The following ARHGAP25 variants were observed in gnomAD, a reference collection of about 807,000 sequenced individuals.
ARHGAP25 encodes Rho GTPase activating protein 25, also known as rho GTPase-activating protein 25.
A neutral mutation model predicts 71.0 loss-of-function variants in ARHGAP25; 34 were observed. The ratio of observed to expected loss-of-function variants is 0.48; its 90% CI spans 0.36 to 0.64. The LOEUF is 0.64. Ranked by LOEUF, ARHGAP25 falls within the 30% of genes least tolerant of loss-of-function variation. The pLI, the probability that ARHGAP25 is intolerant of heterozygous loss-of-function variation, is 0.00. For synonymous variants in ARHGAP25, 282 were observed against 296.5 expected (o/e 0.95, Z 0.50); for missense variants, 706 against 805.1 (o/e 0.88, Z 1.49).
intron 2 of ARHGAP25, among the ~76,000 whole-genome samples, chr2:68,714,215 G>A (rs978516689): frequency 5.8e-4 from 88 of 152,232 alleles, no homozygotes; most frequent in African/African-American, 1.9e-3. Flanking sequence ...AGTCTTGGGA[G>A]GGTGTATGTG....
intron 1 of ARHGAP25, among the ~76,000 whole-genome samples, chr2:68,758,042 A>G (rs534801425): frequency 6.6e-6 from 1 of 152,208 alleles, no homozygotes; most frequent in South Asian, 2.1e-4. Flanking sequence ...TTAAATTAGA[A>G]TATCATCACT....
chr2:68,747,659 A>C (rs942144325), intron 1 of ARHGAP25, among the ~76,000 whole-genome samples: 20 of 152,062 alleles, frequency 1.3e-4, no homozygotes, highest in African/African-American at 4.1e-4. Context: ...TCCCTCCCCC[A>C]GTGTGTCCAA....
intron 2 of ARHGAP25, among the ~76,000 whole-genome samples, chr2:68,727,360 T>G (rs1674910142): frequency 6.6e-6 from 1 of 152,210 alleles, no homozygotes; most frequent in Admixed American, 6.5e-5. Flanking sequence ...CTTTTCTTCT[T>G]AAATCTATTA....
chr2:68,821,888 T>C (rs573525055), intron 9 of ARHGAP25, among the ~76,000 whole-genome samples: 5 of 149,496 alleles, frequency 3.3e-5, no homozygotes, highest in African/African-American at 1.2e-4. Flanking sequence ...TGATATGCAT[T>C]GCAAATACTT....
At chr2:68,779,932 T>C (rs1573513511) in intron 2 of ARHGAP25, among the ~76,000 whole-genome samples, 1 of 152,378 alleles carries the variant, frequency 6.6e-6, no homozygotes, top group African/African-American at 2.4e-5. Flanking sequence ...CATTTACACC[T>C]TGGTGTGAAC....
chr2:68,719,540 C>CT (rs59046115), intron 2 of ARHGAP25, among the ~76,000 whole-genome samples: 33 of 149,150 alleles, frequency 2.2e-4, no homozygotes, highest in Admixed American at 6.0e-4. Flanking sequence ...AAAAAAATAA[C>CT]TTTTTTTTTT....
chr2:68,818,138 G>C (rs886673271), intron 8 of ARHGAP25, 144 bp downstream of exon 8: 1 of 1,150,156 alleles, frequency 8.7e-7, no homozygotes, highest in South Asian at 1.4e-5. Flanking sequence ...AGCCTTGTGA[G>C]GTAGGCAGGG....
rs1202246586 is a variant in ARHGAP25 at position 68,743,047 on chromosome 2, A to G, written c.61+7787A>G. 2.0e-5 allele frequency among the ~76,000 whole-genome samples: 3 copies of G among 152,218 alleles called. No homozygotes were observed. The East Asian group carries it at 5.8e-4, about 29-fold the overall frequency. Reference sequence around the variant, plus strand: ...TTGTGACTTTCTAATAAGGATAATGATAGCTTCTGGTAAGTTTCCTGCAGA... The same window carrying G: ...TTGTGACTTTCTAATAAGGATAATGGTAGCTTCTGGTAAGTTTCCTGCAGA... On this transcript the variant is annotated intron_variant, in intron 1 of 10. Transcript: ENST00000409202.
chr2:68,766,713 C>T (rs1486142369), intron 1 of ARHGAP25, among the ~76,000 whole-genome samples: 2 of 148,772 alleles, frequency 1.3e-5, no homozygotes, highest in Admixed American at 6.6e-5. Flanking sequence ...TCTCTCTCCC[C>T]TTCTCTCTCT....
intron 1 of ARHGAP25, among the ~76,000 whole-genome samples, chr2:68,745,522 A>C (rs972986998): frequency 6.6e-6 from 1 of 152,102 alleles, no homozygotes; most frequent in Non-Finnish European, 1.5e-5. Context: ...ATTTTTCCTC[A>C]TCATAACCCC....
chr2:68,824,998 A>G (rs11689198), intron 10 of ARHGAP25, among the ~76,000 whole-genome samples: 49,212 of 152,020 alleles, frequency 0.32, 8,082 homozygotes, highest in East Asian at 0.41. Context: ...CACAATCGGC[A>G]TGTGTACACT....
At chr2:68,713,211 A>C (rs1317904083) in intron 2 of ARHGAP25, among the ~76,000 whole-genome samples, 2 of 152,100 alleles carry the variant, frequency 1.3e-5, no homozygotes, top group Non-Finnish European at 2.9e-5. Context: ...GTTCTCCTTG[A>C]AGAGGTCCTT....
At chr2:68,765,686 T>C (rs973230575) in intron 1 of ARHGAP25, among the ~76,000 whole-genome samples, 1 of 152,256 alleles carries the variant, frequency 6.6e-6, no homozygotes, top group Admixed American at 6.5e-5. Flanking sequence ...AACTAATCAA[T>C]AATTCATTGG....
Position 68,767,624 on chromosome 2 carries a change from C to A in ARHGAP25, c.62-7597C>A, listed in dbSNP as rs1336080542. Among the ~76,000 whole-genome samples the A allele has an allele frequency of 2.0e-5, 3 of 152,118 alleles. No individual in the cohort carries two copies. Among genetic ancestry groups the A allele is most frequent in the Non-Finnish European group, 4.4e-5 (3 of 68,038 alleles). The stretch of plus-strand genomic sequence containing the variant: ...ACTCTCTCTCCCTCCCATGCCTCGG[C>A]CACGTGGGACCTTGCTCAGAATCCC... On this transcript the variant is annotated intron_variant, in intron 1 of 10. Transcript: ENST00000409202. This position sits in a 1 kb window ranked among gnomAD's most constrained non-coding sequence, Gnocchi z 4.6.
intron 4 of ARHGAP25, among the ~76,000 whole-genome samples, chr2:68,797,130 G>A (rs1314180580): frequency 6.6e-6 from 1 of 152,170 alleles, no homozygotes; most frequent in Non-Finnish European, 1.5e-5. Flanking sequence ...ACTCTGTCTT[G>A]GAGTAGGGGG....
chr2:68,762,016 T>C (rs1184617016), intron 1 of ARHGAP25, among the ~76,000 whole-genome samples: 1 of 152,090 alleles, frequency 6.6e-6, no homozygotes, highest in Non-Finnish European at 1.5e-5. Context: ...ACAAACAAAA[T>C]GTGGTATATA....
chr2:68,762,320 G>A (rs952115703), intron 1 of ARHGAP25, among the ~76,000 whole-genome samples: 6 of 152,180 alleles, frequency 3.9e-5, no homozygotes, highest in Non-Finnish European at 5.9e-5. Context: ...TGATGGTTGT[G>A]CAATAATGTG....
intron 6 of ARHGAP25, among the ~76,000 whole-genome samples, chr2:68,815,443 C>CTTTTTTTTTTTTTTTTTTTTTT (rs796100406): frequency 1.6e-5 from 1 of 62,290 alleles, no homozygotes; most frequent in African/African-American, 6.6e-5. Context: ...TGTGTACTCT[C>CTTTTTTTTTTTTTTTTTTTTTT]TTTTTTTTTT....
chr2:68,776,936 T>C (rs1677964718), intron 2 of ARHGAP25, among the ~76,000 whole-genome samples: 1 of 152,056 alleles, frequency 6.6e-6, no homozygotes, highest in African/African-American at 2.4e-5. Context: ...TGAGGATCCA[T>C]TGCACATCAG....
Sources: allele counts gnomAD v4.1 joint callset (sites outside exome capture counted in the v4.1 genomes callset), GRCh38; gene constraint gnomAD v4.1.1; non-coding constraint Gnocchi (gnomAD v3.1); transcripts MANE v1.5; gene names NCBI Gene and HGNC (gene_info 2026-07-23, HGNC 2026-07-21).